CD160: variants seen among roughly 807,000 people sequenced by gnomAD.
CD160 encodes the protein CD160 molecule.
Under a neutral mutation model 19.2 loss-of-function variants are expected in CD160, and 11 were observed. The observed-to-expected ratio is 0.57, with a 90% confidence interval of 0.36 to 0.95. CD160 has a LOEUF of 0.95. CD160 is among the 40% of genes least tolerant of loss of function. CD160 has a pLI of 0.01. For synonymous variants in CD160, 75 were observed against 81.1 expected, an observed-to-expected ratio of 0.93 and a Z score of 0.40; for missense variants, 182 against 213.2, an observed-to-expected ratio of 0.85 and a Z score of 0.91.
chr1:145,728,364 G>T lies in CD160; in HGVS notation c.37G>T (p.Ala13Ser). ...ACCCGGCAGAGGCTGCTGTGCCCTG[G>T]CCATCCTGCTGGCAATTGTGGACAT... is the stretch of plus-strand genomic sequence containing the variant. ...LEPGRGCCALAILLAIVDIQS... is the reference protein window; with the variant it reads ...LEPGRGCCALSILLAIVDIQS... Residue 13 changes from alanine to serine, a missense_variant, in exon 3 of 6, where the codon GCC becomes TCC. Coordinates refer to ENST00000369288, the MANE Select transcript of CD160 (RefSeq NM_007053.4). 2 of 1,613,426 alleles carry T rather than the reference G, an allele frequency of 1.2e-6. No homozygotes were observed. Among genetic ancestry groups the T allele is most frequent in the South Asian group, 2.2e-5 (2 of 91,056 alleles).
chr1:145,736,270 A>G (rs959629730), intron 5 of CD160, 136 bp downstream of exon 5: 6 of 1,557,200 alleles, frequency 3.9e-6, no homozygotes, highest in Admixed American at 2.0e-5. Flanking sequence ...AGCCCTGGCT[A>G]TCCACAGGAA....
Position 145,736,146 on chromosome 1 carries a change from AGAGCCG to A in CD160, c.538+13_538+18del, listed in dbSNP as rs587609559. Reference sequence around the variant, plus strand: ...TGTGGCCCTTCAAGGTATGTCCAAAAGAGCCGTAAGCACCCCAAGCAATGAGGGTGC... The same window carrying A: ...TGTGGCCCTTCAAGGTATGTCCAAAATAAGCACCCCAAGCAATGAGGGTGC... On this transcript the variant is annotated intron_variant, in intron 5 of 5. Coordinates refer to ENST00000369288, the MANE Select transcript of CD160 (RefSeq NM_007053.4). 6.5e-5 allele frequency: 105 copies of A among 1,614,174 alleles called. No individual in the cohort carries two copies. In the African/African-American group the frequency reaches 1.3e-3, roughly 20 times the overall value.
chr1:145,738,552 T>C lies in CD160; in HGVS notation c.*59T>C. 1.7e-6 allele frequency: 2 copies of C among 1,164,784 alleles called. No homozygotes were observed. Among genetic ancestry groups the C allele is most frequent in the Non-Finnish European group, 2.3e-6 (2 of 886,120 alleles). The allele number at this position is 1,164,784 out of a possible 1,614,324, so 72.2% of individuals were successfully genotyped here. A position where few individuals can be genotyped will look rare whatever the true frequency, so the allele number is the denominator to read the frequency against. The stretch of plus-strand genomic sequence containing the variant: ...CAGCAAGATGAGTCTGACTATGGCT[T>C]AGTATCTTTCTCATTACAATAGGCA... On this transcript the variant is annotated 3_prime_UTR_variant, in exon 6 of 6. Transcript: ENST00000369288.
chr1:145,729,587 G>A (rs77141700), intron 3 of CD160, among the ~76,000 whole-genome samples: 3,544 of 152,338 alleles, frequency 0.023, 157 homozygotes, highest in African/African-American at 0.081. Flanking sequence ...GCAGTACAAA[G>A]TTGGCAGGGC....
rs1426914724 is a variant in CD160 at position 145,730,741 on chromosome 1, C to T, written c.74-3C>T. On this transcript the variant is annotated splice_region_variant and splice_polypyrimidine_tract_variant and intron_variant, in intron 3 of 5. Coordinates refer to ENST00000369288, the MANE Select transcript of CD160 (RefSeq NM_007053.4). Reference sequence around the variant, plus strand: ...CTGGGTAATTCTTCCCTTTCCATTCCAGGATGCATTAACATCACCAGCTCA... The same window carrying T: ...CTGGGTAATTCTTCCCTTTCCATTCTAGGATGCATTAACATCACCAGCTCA... 2.5e-6 allele frequency: 4 copies of T among 1,609,366 alleles called. No homozygotes were observed. Among genetic ancestry groups the T allele is most frequent in the Middle Eastern group, 1.6e-4 (1 of 6,076 alleles).
intron 2 of CD160, among the ~76,000 whole-genome samples, chr1:145,726,820 G>C (rs782222840): frequency 1.7e-4 from 26 of 152,164 alleles, no homozygotes; most frequent in African/African-American, 5.8e-4. Flanking sequence ...AGAAATGGAC[G>C]AGGACTTTAT....
rs117593261 is a variant in CD160, at chr1:145,720,059, G to T, written c.-179+500G>T. Among the ~76,000 whole-genome samples the T allele has an allele frequency of 3.7e-4, 56 of 152,320 alleles. 2 individuals carry two copies. In the East Asian group the frequency reaches 0.011, roughly 29 times the overall value. On this transcript the variant is annotated intron_variant, in intron 1 of 5. Coordinates refer to ENST00000369288, the MANE Select transcript of CD160 (RefSeq NM_007053.4). ...AATCTTTAATTGAAAGTCAGCACTT[G>T]CTTCAGTTATGAATGTAGACAATGA...
chr1:145,719,878 G>A (rs1347451609), intron 1 of CD160, among the ~76,000 whole-genome samples: 5 of 152,208 alleles, frequency 3.3e-5, no homozygotes, highest in Middle Eastern at 3.2e-3. Context: ...GAGACAAGCC[G>A]GGAGGTGCCA....
intron 4 of CD160, among the ~76,000 whole-genome samples, chr1:145,732,884 C>T (rs1553709596): frequency 1.3e-5 from 2 of 152,134 alleles, no homozygotes; most frequent in Non-Finnish European, 2.9e-5. Flanking sequence ...GTATAATCCT[C>T]ATCTACTATA....
intron 1 of CD160, among the ~76,000 whole-genome samples, chr1:145,721,865 T>C (rs992835897): frequency 1.2e-4 from 19 of 152,306 alleles, no homozygotes; most frequent in Non-Finnish European, 1.2e-4. Flanking sequence ...TCTCCTGTGC[T>C]GCCCCTTGAC....
At chr1:145,725,378 G>A (rs1332488722) in intron 2 of CD160, among the ~76,000 whole-genome samples, 1 of 152,070 alleles carries the variant, frequency 6.6e-6, no homozygotes, top group Non-Finnish European at 1.5e-5. Context: ...CCAGGAGGTG[G>A]AAGTTGCAGT....
At position 145,730,793 on chromosome 1, in the gene CD160, C is replaced by T; in HGVS notation, c.123C>T (p.Asn41=). The T allele has an allele frequency of 6.2e-7, 1 of 1,614,124 alleles. No homozygotes were observed. Among genetic ancestry groups the T allele is most frequent in the South Asian group, 1.1e-5 (1 of 91,082 alleles). Residue 41 remains asparagine, a synonymous_variant, in exon 4 of 6, where the codon AAC becomes AAT. Transcript: ENST00000369288. The part of the protein sequence containing the change: ...SSASQEGTRL[N]LICTVWHKKE... ...CTTCCCAGGAAGGAACGCGACTAAA[C>T]TTAATCTGTACTGTATGGCATAAGA...
At chr1:145,730,198 T>C (rs1317587184) in intron 3 of CD160, among the ~76,000 whole-genome samples, 1 of 152,134 alleles carries the variant, frequency 6.6e-6, no homozygotes, top group Non-Finnish European at 1.5e-5. Flanking sequence ...TGCATACCTG[T>C]AGTGTTAGCT....
At chr1:145,732,203 A>C (rs1019029412) in intron 4 of CD160, among the ~76,000 whole-genome samples, 1 of 152,222 alleles carries the variant, frequency 6.6e-6, no homozygotes. Flanking sequence ...AGAATTATAT[A>C]TTCAGCCAAA....
At chr1:145,722,404 G>A (rs587723443) in intron 1 of CD160, among the ~76,000 whole-genome samples, 1 of 152,114 alleles carries the variant, frequency 6.6e-6, no homozygotes, top group East Asian at 1.9e-4. Flanking sequence ...TCTGACTCTA[G>A]AGACCATTTA....
At chr1:145,723,744 C>CA (rs1433276068) in intron 1 of CD160, among the ~76,000 whole-genome samples, 2 of 152,084 alleles carry the variant, frequency 1.3e-5, no homozygotes, top group African/African-American at 2.4e-5. Context: ...CTACAACACC[C>CA]AGCTAATTTT....
chr1:145,730,793 C>G lies in CD160; in HGVS notation c.123C>G (p.Asn41Lys). The change falls in exon 4 of 6, where the codon AAC becomes AAG. Residue 41 changes from asparagine (N) to lysine (K), a missense_variant. Coordinates refer to ENST00000369288, the MANE Select transcript of CD160 (RefSeq NM_007053.4). ...SSASQEGTRL[N>K]LICTVWHKKE... ...CTTCCCAGGAAGGAACGCGACTAAA[C>G]TTAATCTGTACTGTATGGCATAAGA... The G allele has an allele frequency of 1.2e-6, 2 of 1,614,124 alleles. No individual in the cohort carries two copies. Among genetic ancestry groups the G allele is most frequent in the Non-Finnish European group, 1.7e-6 (2 of 1,180,040 alleles).
chr1:145,734,399 C>T (rs1657405474), intron 4 of CD160, among the ~76,000 whole-genome samples: 1 of 152,184 alleles, frequency 6.6e-6, no homozygotes, highest in Non-Finnish European at 1.5e-5. Flanking sequence ...GTACATGCCA[C>T]ATCACTCAAA....
At chr1:145,722,338 CT>C (rs1656883492) in intron 1 of CD160, among the ~76,000 whole-genome samples, 1 of 152,080 alleles carries the variant, frequency 6.6e-6, no homozygotes, top group African/African-American at 2.4e-5. Flanking sequence ...GATTAAGAAA[CT>C]TGCCCAATAT....
Sources: allele counts gnomAD v4.1 joint callset (sites outside exome capture counted in the v4.1 genomes callset), GRCh38; gene constraint gnomAD v4.1.1; transcripts MANE v1.5; gene names NCBI Gene and HGNC (gene_info 2026-07-23, HGNC 2026-07-21).